KIF13A: variants seen among roughly 807,000 people sequenced by gnomAD.
KIF13A encodes the protein kinesin-like protein KIF13A.
KIF13A carries 79 observed loss-of-function variants against 212.2 expected under a neutral mutation model. That is an observed-to-expected ratio of 0.37 (90% confidence interval 0.31 to 0.45). The LOEUF is 0.45. KIF13A is among the 20% of genes least tolerant of loss of function. KIF13A has a pLI of 1.00. For missense variants in KIF13A, 1,901 were observed against 2,209.0 expected, an observed-to-expected ratio of 0.86 and a Z score of 2.79; for synonymous variants, 789 against 808.6, an observed-to-expected ratio of 0.98 and a Z score of 0.41.
Position 17,987,091 on chromosome 6 carries a change from G to A in KIF13A, c.109C>T (p.Leu37=). 1.2e-6 allele frequency: 2 copies of A among 1,613,746 alleles called. No homozygotes were observed. The highest frequency in any genetic ancestry group is 8.5e-7 in the Non-Finnish European group (1 of 1,179,708). The change falls in exon 2 of 39, where the codon CTG becomes TTG. Residue 37 remains leucine, a synonymous_variant. Transcript: ENST00000259711. This position sits in a 1 kb window ranked among gnomAD's most constrained non-coding sequence, Gnocchi z 7.7. ...VVEMEGNQTV[L]HPPPSNTKQG... ...TTGGTGTTAGAAGGAGGAGGGTGCA[G>A]GACCGTTTGATTCCCTTCCATCTCC...
intron 11 of KIF13A, among the ~76,000 whole-genome samples, chr6:17,835,186 C>G (rs569978877): frequency 8.4e-4 from 92 of 109,170 alleles, no homozygotes; most frequent in African/African-American, 2.9e-3. Context: ...TCTGTCCACC[C>G]GCCCCCGCCA....
In KIF13A at chr6:17,886,663, G is replaced by C. The variant is rs781165219; in HGVS notation, c.159+11505C>G. Among the ~76,000 whole-genome samples the C allele has an allele frequency of 6.6e-6, 1 of 152,176 alleles. No homozygotes were observed. The highest frequency in any genetic ancestry group is 1.5e-5 in the Non-Finnish European group (1 of 68,034). Reference sequence around the variant, plus strand: ...GGTTCTGAACAAAGTCGGGCAGAAGGAAAGGGGAGAGTAGAACCTGTAGGA... The same window carrying C: ...GGTTCTGAACAAAGTCGGGCAGAAGCAAAGGGGAGAGTAGAACCTGTAGGA... On this transcript the variant is annotated intron_variant, in intron 3 of 38. Transcript: ENST00000259711. The surrounding 1 kb of genome is among the most constrained non-coding windows in gnomAD (Gnocchi z 5.6).
intron 2 of KIF13A, among the ~76,000 whole-genome samples, chr6:17,932,371 G>C (rs959599497): frequency 2.6e-5 from 4 of 152,166 alleles, no homozygotes; most frequent in Non-Finnish European, 5.9e-5. Flanking sequence ...AACACCAAGA[G>C]TCAGCCAGAC....
chr6:17,765,533 G>A (rs968535147), intron 38 of KIF13A, among the ~76,000 whole-genome samples: 2 of 152,186 alleles, frequency 1.3e-5, no homozygotes, highest in African/African-American at 4.8e-5. Flanking sequence ...CATATCGTAA[G>A]GCTATAAAAT....
chr6:17,949,606 A>G lies in KIF13A; in HGVS notation c.146+37448T>C, dbSNP rs1394322627. 3.9e-5 allele frequency among the ~76,000 whole-genome samples: 6 copies of G among 152,258 alleles called. No homozygotes were observed. In the East Asian group the frequency reaches 1.2e-3, roughly 29 times the overall value. ...AACAACATCACAAAATACACCTGTC[A>G]CCAGTTCTTAATTTTCTAGAGTTTC... is the stretch of plus-strand genomic sequence containing the variant. On this transcript the variant is annotated intron_variant, in intron 2 of 38. Transcript: ENST00000259711.
At chr6:17,760,866 G>A, downstream of KIF13A, 1 of 1,613,766 alleles carries the variant, frequency 6.2e-7, no homozygotes, top group Non-Finnish European at 8.5e-7. Context: ...CTCACCGTGA[G>A]GTTGTGCCTC....
rs1006549937 is a variant in KIF13A at position 17,771,458 on chromosome 6, G to T, written c.4477-240C>A. 3 of 483,174 alleles carry T rather than the reference G, an allele frequency of 6.2e-6. No homozygotes were observed. The East Asian group carries it at 1.1e-4, about 17-fold the overall frequency. The allele number at this position is 483,174 out of a possible 1,614,324, so 29.9% of individuals were successfully genotyped here. ...AAACAGCCTTTTGACCAGGTACAAC[G>T]GCTCATGCCTGCAATCCCAGTGCCT... On this transcript the variant is annotated intron_variant, in intron 37 of 38. Transcript: ENST00000259711. This position sits in a 1 kb window ranked among gnomAD's most constrained non-coding sequence, Gnocchi z 5.4.
rs555915791 is a variant in KIF13A at position 17,971,051 on chromosome 6, T to C, written c.146+16003A>G. Among the ~76,000 whole-genome samples the C allele has an allele frequency of 3.9e-5, 6 of 152,308 alleles. No individual in the cohort carries two copies. In the East Asian group the frequency reaches 1.2e-3, roughly 29 times the overall value. ...ATACATCAAAATACAAAAACAAAGA[T>C]GTAGGCTACCACTCAAAAAATTCAG... On this transcript the variant is annotated intron_variant, in intron 2 of 38. Transcript: ENST00000259711. This position sits in a 1 kb window ranked among gnomAD's most constrained non-coding sequence, Gnocchi z 4.2.
chr6:17,846,249 C>A (rs1166891185), intron 9 of KIF13A, among the ~76,000 whole-genome samples: 1 of 151,758 alleles, frequency 6.6e-6, no homozygotes, highest in Non-Finnish European at 1.5e-5. Context: ...AGCCACTGCA[C>A]CCGGCCAAGG....
In KIF13A at chr6:17,898,018, C is replaced by T. The variant is rs565766501; in HGVS notation, c.159+150G>A. ...GTGACACTCTAACTTTATGTTAACACTGATATTAATTGTTCATGATGTGAG... is the reference window on the plus strand; with the variant it reads ...GTGACACTCTAACTTTATGTTAACATTGATATTAATTGTTCATGATGTGAG... On this transcript the variant is annotated intron_variant, in intron 3 of 38. Coordinates refer to ENST00000259711, the MANE Select transcript of KIF13A (RefSeq NM_022113.6). The surrounding 1 kb of genome is among the most constrained non-coding windows in gnomAD (Gnocchi z 5.2). 3.2e-6 allele frequency: 2 copies of T among 619,664 alleles called. No homozygotes were observed. Among genetic ancestry groups the T allele is most frequent in the African/African-American group, 1.9e-5 (1 of 53,590 alleles). The allele number at this position is 619,664 out of a possible 1,614,324, so 38.4% of individuals were successfully genotyped here.
chr6:17,921,442 T>G (rs1775062215), intron 2 of KIF13A, among the ~76,000 whole-genome samples: 1 of 152,238 alleles, frequency 6.6e-6, no homozygotes, highest in Non-Finnish European at 1.5e-5. Context: ...AGAGACCTAC[T>G]TTTAAAAATG....
At chr6:17,806,135 G>A (rs1227456496) in intron 18 of KIF13A, among the ~76,000 whole-genome samples, 1 of 151,854 alleles carries the variant, frequency 6.6e-6, no homozygotes, top group African/African-American at 2.4e-5. Flanking sequence ...GTTTTGTTAT[G>A]TTGCCCGGGC....
At chr6:17,875,003 G>A (rs4712315) in intron 3 of KIF13A, among the ~76,000 whole-genome samples, 78,711 of 133,112 alleles carry the variant, frequency 0.59, 22,207 homozygotes, top group African/African-American at 0.66. Flanking sequence ...GCACACGCAC[G>A]CACACACACA....
intron 3 of KIF13A, among the ~76,000 whole-genome samples, chr6:17,875,618 C>A (rs1434796450): frequency 3.3e-5 from 5 of 152,178 alleles, no homozygotes; most frequent in Admixed American, 6.5e-5. Flanking sequence ...CTATGCCCAG[C>A]TAATTTTTGT....
At chr6:17,896,931 C>T (rs1229111216) in intron 3 of KIF13A, among the ~76,000 whole-genome samples, 2 of 152,152 alleles carry the variant, frequency 1.3e-5, no homozygotes, top group Non-Finnish European at 2.9e-5. Flanking sequence ...AGATAAACGG[C>T]ACTTATACAT....
At position 17,794,447 on chromosome 6, in the gene KIF13A, C is replaced by G; in HGVS notation, c.3076-52G>C. 1.3e-6 allele frequency: 2 copies of G among 1,580,380 alleles called. No individual in the cohort carries two copies. Among genetic ancestry groups the G allele is most frequent in the South Asian group, 1.1e-5 (1 of 88,488 alleles). ...TGCCAGGAATGATAATGAAAAGGAA[C>G]GGGATAAAGAAGGGGAAAAGGATTA... On this transcript the variant is annotated intron_variant, in intron 24 of 38. Coordinates refer to ENST00000259711, the MANE Select transcript of KIF13A (RefSeq NM_022113.6). This position sits in a 1 kb window ranked among gnomAD's most constrained non-coding sequence, Gnocchi z 4.1.
intron 2 of KIF13A, among the ~76,000 whole-genome samples, chr6:17,905,449 G>A (rs1773413121): frequency 6.6e-6 from 1 of 152,180 alleles, no homozygotes; most frequent in Admixed American, 6.5e-5. Flanking sequence ...ACAGAGACAG[G>A]AATGAAGAGC....
rs910291351 is a variant in KIF13A at position 17,971,183 on chromosome 6, G to A, written c.146+15871C>T. Among the ~76,000 whole-genome samples the A allele has an allele frequency of 6.6e-6, 1 of 152,084 alleles. No homozygotes were observed. Among genetic ancestry groups the A allele is most frequent in the Admixed American group, 6.5e-5 (1 of 15,268 alleles). Reference sequence around the variant, plus strand: ...ACCCAAGATCCTCAGAACTCCAATAGCTGATGTACTATTAGACATCGCACA... The same window carrying A: ...ACCCAAGATCCTCAGAACTCCAATAACTGATGTACTATTAGACATCGCACA... On this transcript the variant is annotated intron_variant, in intron 2 of 38. Coordinates refer to ENST00000259711, the MANE Select transcript of KIF13A (RefSeq NM_022113.6). This position sits in a 1 kb window ranked among gnomAD's most constrained non-coding sequence, Gnocchi z 4.2.
In KIF13A at chr6:17,968,272, C is replaced by G. The variant is rs2150602084; in HGVS notation, c.146+18782G>C. ...CAGCCCTGCCACTCACAGGGCTGTC[C>G]CAGATTCACAGGCAATGGACTCCAG... On this transcript the variant is annotated intron_variant, in intron 2 of 38. Transcript: ENST00000259711. The surrounding 1 kb of genome is among the most constrained non-coding windows in gnomAD (Gnocchi z 4.7). 6.6e-6 allele frequency among the ~76,000 whole-genome samples: 1 copy of G among 152,328 alleles called. No individual in the cohort carries two copies. The highest frequency in any genetic ancestry group is 2.4e-5 in the African/African-American group (1 of 41,568).
Sources: gnomAD v4.1 joint callset for allele counts (sites outside exome capture counted in the v4.1 genomes callset) on GRCh38, gnomAD v4.1.1 for gene constraint, Gnocchi (gnomAD v3.1) non-coding constraint, MANE v1.5 for transcripts, NCBI Gene and HGNC (gene_info 2026-07-23, HGNC 2026-07-21) for gene names.